ST3GAL6: variants seen among roughly 807,000 people sequenced by gnomAD.
ST3GAL6 encodes type 2 lactosamine alpha-2,3-sialyltransferase.
In ST3GAL6, 31 loss-of-function variants were observed where a neutral mutation model predicts 40.5. The observed-to-expected ratio is 0.77, with a 90% confidence interval of 0.58 to 1.03. ST3GAL6 has a LOEUF of 1.03. ST3GAL6 is among the 50% of genes least tolerant of loss of function. ST3GAL6 has a pLI of 0.00. For synonymous variants in ST3GAL6, 129 were observed against 136.9 expected, an observed-to-expected ratio of 0.94 and a Z score of 0.40; for missense variants, 357 against 393.2, an observed-to-expected ratio of 0.91 and a Z score of 0.78.
chr3:98,735,895 C>A (rs1048030788), intron 1 of ST3GAL6, among the ~76,000 whole-genome samples: 1 of 152,212 alleles, frequency 6.6e-6, no homozygotes, highest in African/African-American at 2.4e-5. Context: ...AGCTGGAGTT[C>A]TTTCCCCTGA....
At chr3:98,738,975 A>G (rs1180602982) in intron 1 of ST3GAL6, among the ~76,000 whole-genome samples, 1 of 152,206 alleles carries the variant, frequency 6.6e-6, no homozygotes, top group Non-Finnish European at 1.5e-5. Flanking sequence ...CAGCAAATTC[A>G]AAAAAACCAA....
At chr3:98,752,967 T>G (rs1251865760) in intron 1 of ST3GAL6, among the ~76,000 whole-genome samples, 1 of 152,234 alleles carries the variant, frequency 6.6e-6, no homozygotes, top group African/African-American at 2.4e-5. Flanking sequence ...GTCCAATTAA[T>G]AATCCTCCAA....
chr3:98,781,571 C>T (rs530891286), intron 5 of ST3GAL6, among the ~76,000 whole-genome samples: 5 of 151,942 alleles, frequency 3.3e-5, no homozygotes, highest in African/African-American at 1.2e-4. Context: ...AGGACAGGGG[C>T]TCTGGTGGTA....
intron 4 of ST3GAL6, among the ~76,000 whole-genome samples, 157 bp from the exon 5 acceptor site, chr3:98,773,763 C>G (rs1374312160): frequency 1.3e-5 from 2 of 152,014 alleles, no homozygotes; most frequent in African/African-American, 2.4e-5. Flanking sequence ...TGAAGTAGTG[C>G]TGGCTAATTG....
chr3:98,760,202 C>T (rs1019889620), upstream of ST3GAL6, among the ~76,000 whole-genome samples: 2 of 152,216 alleles, frequency 1.3e-5, no homozygotes, highest in African/African-American at 4.8e-5. Flanking sequence ...CCCTGATCTT[C>T]TCGGCTGGAT....
In ST3GAL6 at chr3:98,768,417, C is replaced by T; in HGVS notation, c.-11-13C>T. 1 of 1,605,618 alleles carries T rather than the reference C, an allele frequency of 6.2e-7. No homozygotes were observed. The highest frequency in any genetic ancestry group is 8.5e-7 in the Non-Finnish European group (1 of 1,172,460). Reference sequence around the variant, plus strand: ...CCTGGCCTTTGCTTTGGACTTCATTCCTTGTGTTTCAGGTGAGCCAGCCAT... The same window carrying T: ...CCTGGCCTTTGCTTTGGACTTCATTTCTTGTGTTTCAGGTGAGCCAGCCAT... On this transcript the variant is annotated splice_polypyrimidine_tract_variant and intron_variant, in intron 1 of 9. Coordinates refer to ENST00000483910, the MANE Select transcript of ST3GAL6 (RefSeq NM_001323368.2).
chr3:98,760,679 T>C (rs1158897305), upstream of ST3GAL6, among the ~76,000 whole-genome samples: 1 of 152,210 alleles, frequency 6.6e-6, no homozygotes, highest in South Asian at 2.1e-4. Flanking sequence ...CAATGCAATA[T>C]AAAGTTTTCA....
intron 1 of ST3GAL6, among the ~76,000 whole-genome samples, chr3:98,739,973 T>C (rs1203111023): frequency 6.6e-6 from 1 of 152,232 alleles, no homozygotes; most frequent in Non-Finnish European, 1.5e-5. Flanking sequence ...TAAGTGATCT[T>C]GTGAGATAAA....
intron 5 of ST3GAL6, among the ~76,000 whole-genome samples, chr3:98,778,209 G>A (rs1939734165): frequency 6.6e-6 from 1 of 152,216 alleles, no homozygotes; most frequent in Non-Finnish European, 1.5e-5. Context: ...TGTCAAGTCA[G>A]TTGCCTGCTA....
chr3:98,740,394 G>A (rs1935969764), intron 1 of ST3GAL6, among the ~76,000 whole-genome samples: 1 of 151,840 alleles, frequency 6.6e-6, no homozygotes, highest in African/African-American at 2.4e-5. Context: ...TTCTCTCACT[G>A]ATTTTTGAGG....
chr3:98,783,945 A>C (rs190973967), intron 5 of ST3GAL6, among the ~76,000 whole-genome samples: 1 of 152,368 alleles, frequency 6.6e-6, no homozygotes. Flanking sequence ...TGACAAAGCC[A>C]ATGCTTGGCT....
intron 5 of ST3GAL6, chr3:98,782,725 C>T (rs1018673376): frequency 1.2e-4 from 58 of 477,094 alleles, no homozygotes; most frequent in Admixed American, 2.4e-4. Context: ...AGGCCAATGG[C>T]GTGTCCATAG....
upstream of ST3GAL6, among the ~76,000 whole-genome samples, chr3:98,761,357 C>T (rs1387179388): frequency 1.3e-5 from 2 of 152,256 alleles, no homozygotes; most frequent in East Asian, 1.9e-4. Context: ...CCTGTAATCC[C>T]AGCACTTTGG....
intron 5 of ST3GAL6, chr3:98,782,375 C>A (rs779522320): frequency 2.9e-6 from 2 of 683,044 alleles, no homozygotes; most frequent in African/African-American, 1.8e-5. Context: ...CAATATGATG[C>A]CCTTGGAAGC....
In ST3GAL6 at chr3:98,773,990, T is replaced by C. The variant is rs1314209900; in HGVS notation, c.335+7T>C. ...TCTTTGATGAGTTTGACAAGTGAGTTTATTTCCTTGCTTCTAGTCTGGCTT... is the reference window on the plus strand; with the variant it reads ...TCTTTGATGAGTTTGACAAGTGAGTCTATTTCCTTGCTTCTAGTCTGGCTT... On this transcript the variant is annotated splice_region_variant and intron_variant, in intron 5 of 9. Transcript: ENST00000483910. 1 of 1,609,504 alleles carries C rather than the reference T, an allele frequency of 6.2e-7. No individual in the cohort carries two copies. Among genetic ancestry groups the C allele is most frequent in the Non-Finnish European group, 8.5e-7 (1 of 1,176,394 alleles).
chr3:98,787,125 TGTTTACTATCCATTTTGA>T (rs1486567636), intron 6 of ST3GAL6, among the ~76,000 whole-genome samples: 2 of 152,184 alleles, frequency 1.3e-5, no homozygotes, highest in Non-Finnish European at 2.9e-5. Flanking sequence ...CCTTATTTTC[TGTTTACTATCCATTTTGA>T]GGAAGCTGTG....
intron 1 of ST3GAL6, among the ~76,000 whole-genome samples, chr3:98,754,137 C>T (rs1350731803): frequency 6.6e-6 from 1 of 152,084 alleles, no homozygotes; most frequent in African/African-American, 2.4e-5. Flanking sequence ...AGATAGTGAC[C>T]CCTCTGATGG....
intron 8 of ST3GAL6, among the ~76,000 whole-genome samples, chr3:98,791,173 A>G (rs552458492): frequency 8.4e-4 from 128 of 152,260 alleles, no homozygotes; most frequent in African/African-American, 3.0e-3. Flanking sequence ...TATCTATCAC[A>G]CTGGTTTTCA....
At chr3:98,757,375 G>T (rs1335058418) in intron 1 of ST3GAL6, among the ~76,000 whole-genome samples, 1 of 152,176 alleles carries the variant, frequency 6.6e-6, no homozygotes, top group Non-Finnish European at 1.5e-5. Flanking sequence ...GCTCATGAGG[G>T]TTTCAAAGTC....
Sources: gnomAD v4.1 joint callset for allele counts (sites outside exome capture counted in the v4.1 genomes callset) on GRCh38, gnomAD v4.1.1 for gene constraint, MANE v1.5 for transcripts, NCBI Gene and HGNC (gene_info 2026-07-23, HGNC 2026-07-21) for gene names.